The following CRACDL variants were observed in gnomAD, a reference collection of about 807,000 sequenced individuals.
The protein encoded by CRACDL is CRACD-like protein.
In CRACDL, 26 loss-of-function variants were observed where a neutral mutation model predicts 70.6. That is an observed-to-expected ratio of 0.37 (90% confidence interval 0.27 to 0.51). The LOEUF is 0.51. CRACDL is among the 20% of genes least tolerant of loss of function. The pLI, the probability that CRACDL is intolerant of heterozygous loss-of-function variation, is 0.94. For missense variants in CRACDL, 1,283 were observed against 1,376.9 expected, an observed-to-expected ratio of 0.93 and a Z score of 1.08; for synonymous variants, 618 against 615.2, an observed-to-expected ratio of 1.00 and a Z score of -0.07.
chr2:98,868,780 A>G (rs184919367), intron 1 of CRACDL, among the ~76,000 whole-genome samples: 400 of 152,188 alleles, frequency 2.6e-3, no homozygotes, highest in Admixed American at 4.1e-3. Context: ...AGAATGGCAC[A>G]CTCTGCTCAC....
intron 5 of CRACDL, among the ~76,000 whole-genome samples, chr2:98,829,800 G>C (rs1415648705): frequency 1.3e-5 from 2 of 152,224 alleles, no homozygotes; most frequent in Non-Finnish European, 2.9e-5. Context: ...GCTGGGGGCA[G>C]TGCATGCAGG....
chr2:98,905,311 C>A (rs948826604), intron 1 of CRACDL, among the ~76,000 whole-genome samples: 8 of 151,768 alleles, frequency 5.3e-5, no homozygotes, highest in African/African-American at 1.9e-4. Context: ...GCCTCTCTTG[C>A]CATGCGACAT....
chr2:98,922,860 C>T (rs1331478047), intron 1 of CRACDL, among the ~76,000 whole-genome samples: 2 of 152,122 alleles, frequency 1.3e-5, no homozygotes, highest in African/African-American at 4.8e-5. Context: ...ACCAGGCTAG[C>T]CGATGCTTAG....
intron 5 of CRACDL, among the ~76,000 whole-genome samples, chr2:98,829,878 C>T (rs1332182078): frequency 6.6e-5 from 10 of 152,194 alleles, no homozygotes; most frequent in African/African-American, 2.4e-4. Context: ...GCTGGTCCTG[C>T]TGGGAAGGAG....
intron 1 of CRACDL, among the ~76,000 whole-genome samples, chr2:98,911,042 G>A (rs1213129428): frequency 1.3e-5 from 2 of 152,184 alleles, no homozygotes; most frequent in Non-Finnish European, 2.9e-5. Context: ...AGCACATCCT[G>A]GTAGGACAGT....
intron 1 of CRACDL, among the ~76,000 whole-genome samples, chr2:98,867,958 GT>G (rs1219714963): frequency 6.6e-6 from 1 of 152,078 alleles, no homozygotes; most frequent in African/African-American, 2.4e-5. Context: ...ATTTGTTTTT[GT>G]TTTTGTTTTG....
intron 2 of CRACDL, chr2:98,840,882 C>T (rs1188042248): frequency 2.0e-5 from 3 of 152,100 alleles, no homozygotes; most frequent in South Asian, 2.1e-4. Flanking sequence ...GTCGATCAGA[C>T]CAAATCTGAA....
intron 3 of CRACDL, among the ~76,000 whole-genome samples, chr2:98,833,772 A>G (rs1397989057): frequency 6.6e-6 from 1 of 152,188 alleles, no homozygotes; most frequent in African/African-American, 2.4e-5. Flanking sequence ...GAAGGAGATG[A>G]CTGAGATCTG....
At chr2:98,806,622 G>C (rs1253779703) in intron 7 of CRACDL, among the ~76,000 whole-genome samples, 3 of 152,228 alleles carry the variant, frequency 2.0e-5, no homozygotes, top group African/African-American at 7.2e-5. Flanking sequence ...AGGAGGCAAT[G>C]ACCACTCTAC....
chr2:98,861,055 T>C (rs756986658), intron 1 of CRACDL, among the ~76,000 whole-genome samples: 1 of 152,024 alleles, frequency 6.6e-6, no homozygotes, highest in Non-Finnish European at 1.5e-5. Flanking sequence ...CACTAGAAAA[T>C]TGTAAATAAA....
chr2:98,846,459 A>C (rs902836669), intron 2 of CRACDL, among the ~76,000 whole-genome samples: 4 of 152,224 alleles, frequency 2.6e-5, no homozygotes, highest in African/African-American at 9.7e-5. Context: ...TCAGCCAAAC[A>C]TGGGGACATG....
At chr2:98,882,816 C>A (rs1425522334) in intron 1 of CRACDL, among the ~76,000 whole-genome samples, 1 of 152,220 alleles carries the variant, frequency 6.6e-6, no homozygotes, top group Non-Finnish European at 1.5e-5. Flanking sequence ...GCTTGGGATA[C>A]TTTCAGGACT....
At chr2:98,897,316 A>G in intron 1 of CRACDL, 3 of 1,142,408 alleles carry the variant, frequency 2.6e-6, no homozygotes. Flanking sequence ...TCTGGTATTA[A>G]ACGTGAAGGC....
chr2:98,839,745 T>A (rs771214791), intron 2 of CRACDL, among the ~76,000 whole-genome samples: 1 of 152,376 alleles, frequency 6.6e-6, no homozygotes, highest in East Asian at 1.9e-4. Flanking sequence ...TCTGTTTTTT[T>A]AAGTAACATT....
chr2:98,836,781 G>C (rs1705801606), intron 3 of CRACDL, among the ~76,000 whole-genome samples: 1 of 152,074 alleles, frequency 6.6e-6, no homozygotes, highest in South Asian at 2.1e-4. Context: ...TCAGAGAACC[G>C]CCTAAAAAAA....
intron 1 of CRACDL, among the ~76,000 whole-genome samples, chr2:98,903,411 A>G (rs543715886): frequency 2.6e-5 from 4 of 152,174 alleles, no homozygotes; most frequent in African/African-American, 9.7e-5. Flanking sequence ...GCTTGTAAAA[A>G]TTCCCTGATT....
At chr2:98,860,099 A>C (rs1325497465) in intron 1 of CRACDL, among the ~76,000 whole-genome samples, 3 of 152,222 alleles carry the variant, frequency 2.0e-5, no homozygotes, top group Non-Finnish European at 4.4e-5. Context: ...TTAACCAAGG[A>C]GGTAGAACAC....
chr2:98,821,815 TCC>T, intron 7 of CRACDL, 40 bp downstream of exon 7: 1 of 1,588,154 alleles, frequency 6.3e-7, no homozygotes, highest in South Asian at 1.1e-5. Context: ...GATGTGGATC[TCC>T]CCAGGCCCTG....
Position 98,823,385 on chromosome 2 carries a change from C to T in CRACDL, c.888G>A (p.Pro296=), listed in dbSNP as rs762347153. Residue 296 remains proline, a synonymous_variant, in exon 7 of 10, where the codon CCG becomes CCA. Transcript: ENST00000397899. The surrounding 1 kb of genome is among the most constrained non-coding windows in gnomAD (Gnocchi z 4.0). ...APDRGPEPGP[P]APLPPPGGAR... is the part of the protein sequence containing the mutation. ...CCCCTCCGGGTGGCGGCAAGGGCGCCGGTGGCCCAGGCTCAGGGCCTCTGT... is the reference window on the plus strand; with the variant it reads ...CCCCTCCGGGTGGCGGCAAGGGCGCTGGTGGCCCAGGCTCAGGGCCTCTGT... 3.6e-5 allele frequency: 56 copies of T among 1,540,676 alleles called. No homozygotes were observed. The highest frequency in any genetic ancestry group is 4.8e-5 in the Non-Finnish European group (55 of 1,151,202).
Sources: allele counts gnomAD v4.1 joint callset (sites outside exome capture counted in the v4.1 genomes callset), GRCh38; gene constraint gnomAD v4.1.1; non-coding constraint Gnocchi (gnomAD v3.1); transcripts MANE v1.5; gene names NCBI Gene and HGNC (gene_info 2026-07-23, HGNC 2026-07-21).